AUTS2: variants seen among roughly 807,000 people sequenced by gnomAD.
AUTS2 encodes activator of transcription and developmental regulator AUTS2.
A neutral mutation model predicts 112.4 loss-of-function variants in AUTS2; 17 were observed. That is an observed-to-expected ratio of 0.15 (90% CI 0.10 to 0.23). AUTS2 has a LOEUF of 0.23. AUTS2 is among the 10% of genes least tolerant of loss of function. The pLI, the probability that AUTS2 is intolerant of heterozygous loss-of-function variation, is 1.00. For synonymous variants in AUTS2, 751 were observed against 702.7 expected (o/e 1.07, Z -1.09); for missense variants, 1,510 against 1,701.6 (o/e 0.89, Z 1.98).
At chr7:70,164,486 A>G (rs1808277229) in intron 4 of AUTS2, among the ~76,000 whole-genome samples, 1 of 152,138 alleles carries the variant, frequency 6.6e-6, no homozygotes, top group Admixed American at 6.5e-5. Flanking sequence ...AGTTTTAAGG[A>G]GTACTGGTCA....
chr7:70,261,136 T>C (rs2129607168), intron 4 of AUTS2, among the ~76,000 whole-genome samples: 1 of 152,342 alleles, frequency 6.6e-6, no homozygotes, highest in South Asian at 2.1e-4. Flanking sequence ...ATAATGGTTA[T>C]TTCTAAGCAC....
chr7:70,209,651 G>A (rs2129587424), intron 4 of AUTS2, among the ~76,000 whole-genome samples: 1 of 152,282 alleles, frequency 6.6e-6, no homozygotes, highest in East Asian at 1.9e-4. Context: ...CATGGCAAAA[G>A]AGAAAAAGGT....
chr7:70,750,072 ATGCCTGGGTGTCTG>A (rs1248830359), intron 6 of AUTS2, among the ~76,000 whole-genome samples: 1 of 152,124 alleles, frequency 6.6e-6, no homozygotes, highest in Non-Finnish European at 1.5e-5. Flanking sequence ...AGTGGTCCAC[ATGCCTGGGTGTCTG>A]TGGTCCCTCC....
intron 1 of AUTS2, among the ~76,000 whole-genome samples, chr7:69,622,496 A>T (rs1793722093): frequency 6.6e-6 from 1 of 152,194 alleles, no homozygotes; most frequent in Non-Finnish European, 1.5e-5. Context: ...AGCTGAATGA[A>T]TGACTTTAGT....
intron 1 of AUTS2, among the ~76,000 whole-genome samples, chr7:69,865,252 A>T (rs1435129882): frequency 6.6e-6 from 1 of 152,040 alleles, no homozygotes; most frequent in African/African-American, 2.4e-5. Context: ...GTGAGACAAT[A>T]TTGGTTTGTC....
Position 70,784,988 on chromosome 7 carries a change from C to T in AUTS2, c.2193C>T (p.His731=), listed in dbSNP as rs775611824. The change falls in exon 16 of 19, where the codon CAC becomes CAT. Residue 731 remains histidine (H), a synonymous_variant. Coordinates refer to ENST00000342771, the MANE Select transcript of AUTS2 (RefSeq NM_015570.4). ...TGTPFGPPPH[H]SNFLNPAAHL... ...CCCCTTTTGGGCCACCTCCTCATCA[C>T]AGCAACTTCCTCAACCCTGCTGCCC... is the stretch of plus-strand genomic sequence containing the variant. 3 of 1,614,046 alleles carry T rather than the reference C, an allele frequency of 1.9e-6. No individual in the cohort carries two copies. The highest frequency in any genetic ancestry group is 1.7e-5 in the Admixed American group (1 of 60,006).
At chr7:70,491,421 C>T (rs77202918) in intron 5 of AUTS2, among the ~76,000 whole-genome samples, 7 of 89,326 alleles carry the variant, frequency 7.8e-5, no homozygotes, top group South Asian at 5.3e-4. Context: ...TGTGTGTATA[C>T]ACACACACAC....
intron 2 of AUTS2, among the ~76,000 whole-genome samples, chr7:69,905,111 T>C (rs1297662418): frequency 6.6e-6 from 1 of 152,182 alleles, no homozygotes; most frequent in East Asian, 1.9e-4. Flanking sequence ...GTGTTTTTCA[T>C]TTTGTGTCTT....
chr7:70,290,518 G>A, intron 4 of AUTS2: 6 of 1,535,836 alleles, frequency 3.9e-6, no homozygotes, highest in Non-Finnish European at 5.3e-6. Flanking sequence ...GTTCCGTTTG[G>A]TGTGGTCACT....
intron 4 of AUTS2, among the ~76,000 whole-genome samples, chr7:70,412,184 C>T (rs1205665475): frequency 6.6e-6 from 1 of 152,026 alleles, no homozygotes; most frequent in Non-Finnish European, 1.5e-5. Context: ...TGTGAGCCAC[C>T]ATGCCCCGCC....
intron 4 of AUTS2, among the ~76,000 whole-genome samples, chr7:70,163,895 G>C (rs1808244294): frequency 6.6e-6 from 1 of 152,272 alleles, no homozygotes; most frequent in Middle Eastern, 3.4e-3. Context: ...CTAAGACTGT[G>C]CTTGGAGCAG....
chr7:70,635,723 C>A lies in AUTS2; in HGVS notation c.691-62846C>A, dbSNP rs117685528. ...TCTTCTAGAAGGGGTGATTTGTGTT[C>A]TTTCCATATTGGCAGGTTTTCATTT... On this transcript the variant is annotated intron_variant, in intron 5 of 18. Transcript: ENST00000342771. Among the ~76,000 whole-genome samples the A allele has an allele frequency of 1.2e-4, 19 of 152,264 alleles. No individual in the cohort carries two copies. In the East Asian group the frequency reaches 3.5e-3, roughly 28 times the overall value.
intron 6 of AUTS2, among the ~76,000 whole-genome samples, chr7:70,746,783 G>A (rs1305328272): frequency 1.3e-5 from 2 of 152,142 alleles, no homozygotes; most frequent in African/African-American, 4.8e-5. Context: ...CCACTGGAGA[G>A]CTTTAAACCA....
intron 1 of AUTS2, among the ~76,000 whole-genome samples, chr7:69,819,012 A>G (rs112979384): frequency 0.01 from 1,561 of 152,294 alleles, 38 homozygotes; most frequent in African/African-American, 0.035. Flanking sequence ...GGAACAACCA[A>G]TCTGCCAAGA....
At chr7:69,789,977 C>T (rs1175051014) in intron 1 of AUTS2, among the ~76,000 whole-genome samples, 3 of 152,042 alleles carry the variant, frequency 2.0e-5, no homozygotes, top group East Asian at 1.9e-4. Context: ...TATATCTCAA[C>T]GTGTTGAAAC....
chr7:70,551,533 A>G (rs775744190), intron 5 of AUTS2, among the ~76,000 whole-genome samples: 7 of 152,214 alleles, frequency 4.6e-5, no homozygotes, highest in Non-Finnish European at 7.3e-5. Context: ...TTCCTATAGA[A>G]TAGCTCAATA....
chr7:69,720,472 T>C (rs1401781918), intron 1 of AUTS2, among the ~76,000 whole-genome samples: 2 of 152,166 alleles, frequency 1.3e-5, no homozygotes, highest in Non-Finnish European at 1.5e-5. Flanking sequence ...CTCCTAAATT[T>C]AGGATGAAAT....
chr7:69,606,060 A>G (rs1792696361), intron 1 of AUTS2, among the ~76,000 whole-genome samples: 1 of 152,150 alleles, frequency 6.6e-6, no homozygotes, highest in South Asian at 2.1e-4. Context: ...TTTTGGAATT[A>G]GAATGTAAAT....
In AUTS2 at chr7:70,762,959, CAGG is replaced by C; in HGVS notation, c.835_837del (p.Glu279del). 1 of 1,614,120 alleles carries C rather than the reference CAGG, an allele frequency of 6.2e-7. No individual in the cohort carries two copies. Among genetic ancestry groups the C allele is most frequent in the South Asian group, 1.1e-5 (1 of 91,080 alleles). Reference sequence around the variant, plus strand: ...CAAGATATCGGGTCTAGAGAGAAGCCAGGAGAAGAGCCAGGACTGTTGCAAAGA... The same window carrying C: ...CAAGATATCGGGTCTAGAGAGAAGCCAGAAGAGCCAGGACTGTTGCAAAGA... On this transcript the variant is annotated inframe_deletion, in exon 7 of 19. Transcript: ENST00000342771.
Sources: allele counts gnomAD v4.1 joint callset (sites outside exome capture counted in the v4.1 genomes callset), GRCh38; gene constraint gnomAD v4.1.1; transcripts MANE v1.5; gene names NCBI Gene and HGNC (gene_info 2026-07-23, HGNC 2026-07-21).